The following GLIPR2 variants were observed in gnomAD, a reference collection of about 807,000 sequenced individuals.
The protein encoded by GLIPR2 is GLI pathogenesis related 2.
In GLIPR2, 21 loss-of-function variants were observed where a neutral mutation model predicts 20.4. The ratio of observed to expected loss-of-function variants is 1.03; its 90% CI spans 0.73 to 1.48. GLIPR2 has a LOEUF of 1.48. GLIPR2 is among the 40% of genes most tolerant of loss of function. The pLI is 0.00. For synonymous variants in GLIPR2, 91 were observed against 80.5 expected (o/e 1.13, Z -0.70); for missense variants, 205 against 200.1 (o/e 1.02, Z -0.15).
chr9:36,154,444 G>A (rs1825741988), intron 4 of GLIPR2, among the ~76,000 whole-genome samples: 2 of 152,064 alleles, frequency 1.3e-5, no homozygotes, highest in Admixed American at 1.3e-4. Flanking sequence ...CCTGTTTTAT[G>A]CTTGTCAGAG....
intron 4 of GLIPR2, among the ~76,000 whole-genome samples, chr9:36,157,443 T>C (rs1460651382): frequency 6.6e-6 from 1 of 151,148 alleles, no homozygotes; most frequent in Non-Finnish European, 1.5e-5. Context: ...GCCTCCCAGG[T>C]TCAAGCGACT....
chr9:36,156,852 A>G (rs1350552685), intron 4 of GLIPR2, among the ~76,000 whole-genome samples: 1 of 152,128 alleles, frequency 6.6e-6, no homozygotes, highest in South Asian at 2.1e-4. Flanking sequence ...CCCCACCCCA[A>G]CCATTGTTCT....
At chr9:36,147,118 C>A (rs1166387709) in intron 1 of GLIPR2, among the ~76,000 whole-genome samples, 2 of 152,220 alleles carry the variant, frequency 1.3e-5, no homozygotes, top group East Asian at 3.8e-4. Context: ...CAAAATAATG[C>A]TTTACCAATT....
chr9:36,146,399 C>G (rs1825327248), intron 1 of GLIPR2, among the ~76,000 whole-genome samples: 2 of 152,110 alleles, frequency 1.3e-5, no homozygotes, highest in Admixed American at 1.3e-4. Flanking sequence ...GCCCCTGGCT[C>G]CCCAAAACTC....
At chr9:36,157,772 G>A (rs1825902327) in intron 4 of GLIPR2, among the ~76,000 whole-genome samples, 1 of 149,888 alleles carries the variant, frequency 6.7e-6, no homozygotes, top group Non-Finnish European at 1.5e-5. Context: ...CCTTTCACTT[G>A]TTGATGGACA....
At position 36,136,767 on chromosome 9, in the gene GLIPR2, G is replaced by T; in HGVS notation, c.-12G>T. 3 of 1,292,484 alleles carry T rather than the reference G, an allele frequency of 2.3e-6. No homozygotes were observed. The highest frequency in any genetic ancestry group is 2.9e-6 in the Non-Finnish European group (3 of 1,022,878). 80.1% of individuals were successfully genotyped at this position (1,292,484 alleles called of 1,614,324 possible). A position where few individuals can be genotyped will look rare whatever the true frequency, so the allele number is the denominator to read the frequency against. On this transcript the variant is annotated 5_prime_UTR_variant, in exon 1 of 5. Transcript: ENST00000377960. This position sits in a 1 kb window ranked among gnomAD's most constrained non-coding sequence, Gnocchi z 4.3. ...CGCAGCCGCGGGGAGCGAGGAGCGC[G>T]CGGAGCCGGCCATGGGCAAGTCAGG...
intron 4 of GLIPR2, among the ~76,000 whole-genome samples, chr9:36,151,570 G>C (rs1825588148): frequency 6.6e-6 from 1 of 152,184 alleles, no homozygotes; most frequent in Non-Finnish European, 1.5e-5. Flanking sequence ...TTTGCTGTGT[G>C]GACTTGAGTC....
Position 36,136,914 on chromosome 9 carries a change from G to C in GLIPR2, c.13+123G>C. On this transcript the variant is annotated intron_variant, in intron 1 of 4. Transcript: ENST00000377960. The surrounding 1 kb of genome is among the most constrained non-coding windows in gnomAD (Gnocchi z 4.3). ...TGCGGGAGCCCGGGGTGCGGGTGGA[G>C]GGCGCGCGGGCGGAGCGCCCCGGCG... The C allele has an allele frequency of 8.9e-7, 1 of 1,129,022 alleles. No homozygotes were observed. Among genetic ancestry groups the C allele is most frequent in the South Asian group, 4.4e-5 (1 of 22,864 alleles). The allele number at this position is 1,129,022 out of a possible 1,614,324, so 69.9% of individuals were successfully genotyped here. A position where few individuals can be genotyped will look rare whatever the true frequency, so the allele number is the denominator to read the frequency against.
upstream of GLIPR2, chr9:36,136,731 G>T (rs1352251595): frequency 8.2e-7 from 1 of 1,219,802 alleles, no homozygotes; most frequent in Admixed American, 4.3e-5. This position sits in a 1 kb window ranked among gnomAD's most constrained non-coding sequence, Gnocchi z 4.3. Flanking sequence ...GGCCGGGCGA[G>T]CGCAGTGCAG....
At chr9:36,162,094 G>T (rs1234039968) in intron 4 of GLIPR2, 22 of 529,962 alleles carry the variant, frequency 4.2e-5, no homozygotes, top group Non-Finnish European at 9.0e-6. Flanking sequence ...AGAATCACTC[G>T]AACCCAGGAG....
chr9:36,150,707 G>A (rs1400976937), intron 3 of GLIPR2, among the ~76,000 whole-genome samples, 165 bp from the exon 4 acceptor site: 1 of 152,192 alleles, frequency 6.6e-6, no homozygotes, highest in Non-Finnish European at 1.5e-5. Flanking sequence ...ATGGGCAGGA[G>A]TCCCTGAGTC....
intron 3 of GLIPR2, among the ~76,000 whole-genome samples, chr9:36,150,223 C>A (rs1825517623): frequency 6.6e-6 from 1 of 152,182 alleles, no homozygotes; most frequent in Non-Finnish European, 1.5e-5. Flanking sequence ...CTCTGTAGAC[C>A]TACTGAATCA....
Sources: gnomAD v4.1 joint callset for allele counts (sites outside exome capture counted in the v4.1 genomes callset) on GRCh38, gnomAD v4.1.1 for gene constraint, Gnocchi (gnomAD v3.1) non-coding constraint, MANE v1.5 for transcripts, NCBI Gene and HGNC (gene_info 2026-07-23, HGNC 2026-07-21) for gene names.